GPR158: variants seen among roughly 807,000 people sequenced by gnomAD.
GPR158 encodes G protein-coupled receptor 158.
GPR158 carries 30 observed loss-of-function variants against 78.2 expected under a neutral mutation model. The observed-to-expected ratio is 0.38, with a 90% confidence interval of 0.29 to 0.52. GPR158 has a LOEUF of 0.52. Ranked by LOEUF, GPR158 falls within the 20% of genes least tolerant of loss-of-function variation. The pLI is 0.83. For missense variants in GPR158, 1,463 were observed against 1,523.5 expected (o/e 0.96, Z 0.66); for synonymous variants, 581 against 591.1 (o/e 0.98, Z 0.25).
At position 25,188,617 on chromosome 10, in the gene GPR158, T is replaced by G. The variant is rs200932460; in HGVS notation, c.902+12295T>G. 7.9e-5 allele frequency among the ~76,000 whole-genome samples: 12 copies of G among 152,262 alleles called. No homozygotes were observed. In the East Asian group the frequency reaches 2.1e-3, roughly 27 times the overall value. On this transcript the variant is annotated intron_variant, in intron 1 of 10. Coordinates refer to ENST00000376351, the MANE Select transcript of GPR158 (RefSeq NM_020752.3). ...GAAACTGGATCCCTTCCTTACACCTTATACAAAAATTAATTCAAGATGGAT... is the reference window on the plus strand; with the variant it reads ...GAAACTGGATCCCTTCCTTACACCTGATACAAAAATTAATTCAAGATGGAT...
chr10:25,594,220 T>C, intron 8 of GPR158, 72 bp from the exon 9 acceptor site: 1 of 800,436 alleles, frequency 1.2e-6, no homozygotes, highest in Non-Finnish European at 2.2e-6. Flanking sequence ...GAAAAAAGAG[T>C]TCCCAAGTAA....
intron 1 of GPR158, among the ~76,000 whole-genome samples, chr10:25,204,338 C>T (rs1852984203): frequency 6.6e-6 from 1 of 152,164 alleles, no homozygotes; most frequent in South Asian, 2.1e-4. Context: ...TGCCAGTTTT[C>T]AAAGGGAAAG....
At chr10:25,263,264 C>T (rs558876159) in intron 2 of GPR158, among the ~76,000 whole-genome samples, 49 of 152,232 alleles carry the variant, frequency 3.2e-4, no homozygotes, top group African/African-American at 1.2e-3. Context: ...TCCAGTTGTT[C>T]CCAGCACCGT....
intron 5 of GPR158, among the ~76,000 whole-genome samples, chr10:25,534,960 G>A (rs896325592): frequency 2.0e-5 from 3 of 152,170 alleles, no homozygotes; most frequent in Admixed American, 1.3e-4. Flanking sequence ...TCCTGAAGAT[G>A]GGTTAGACTC....
At chr10:25,504,479 T>A (rs1835984626) in intron 5 of GPR158, among the ~76,000 whole-genome samples, 1 of 152,202 alleles carries the variant, frequency 6.6e-6, no homozygotes, top group Admixed American at 6.5e-5. Flanking sequence ...AGCCTTTGGC[T>A]AGCTTCCAAC....
At chr10:25,278,960 T>G (rs937365705) in intron 2 of GPR158, among the ~76,000 whole-genome samples, 1 of 151,914 alleles carries the variant, frequency 6.6e-6, no homozygotes, top group Non-Finnish European at 1.5e-5. Context: ...TCAAAAGATG[T>G]GCAAAGAAAA....
intron 2 of GPR158, among the ~76,000 whole-genome samples, chr10:25,317,199 C>T (rs1338389807): frequency 6.6e-6 from 1 of 151,790 alleles, no homozygotes; most frequent in Non-Finnish European, 1.5e-5. Context: ...CAGGCATCAC[C>T]ACACCAGGCT....
In GPR158 at chr10:25,407,834, C is replaced by T. The variant is rs768851200; in HGVS notation, c.1112-4416C>T. Among the ~76,000 whole-genome samples, 40 of 152,150 alleles carry T rather than the reference C, an allele frequency of 2.6e-4. 1 individual carries two copies. The highest frequency in any genetic ancestry group is 2.4e-3 in the Admixed American group (36 of 15,266). The stretch of plus-strand genomic sequence containing the variant: ...TTCTCACCACTATCCCTGCTCTTTC[C>T]CTTGTCCTCTATAGTATGTTCTCTA... On this transcript the variant is annotated intron_variant, in intron 3 of 10. Transcript: ENST00000376351.
chr10:25,421,957 C>G (rs1403120592), intron 4 of GPR158, among the ~76,000 whole-genome samples: 1 of 152,118 alleles, frequency 6.6e-6, no homozygotes, highest in Non-Finnish European at 1.5e-5. Context: ...TGTATAATTG[C>G]TCACTATTGG....
At chr10:25,495,301 T>G (rs1397849307) in intron 5 of GPR158, among the ~76,000 whole-genome samples, 1 of 137,450 alleles carries the variant, frequency 7.3e-6, no homozygotes, top group Non-Finnish European at 1.6e-5. Flanking sequence ...TCTGCTTTTT[T>G]TTTTTTTTTT....
intron 2 of GPR158, among the ~76,000 whole-genome samples, chr10:25,392,711 A>T (rs1834317121): frequency 6.6e-6 from 1 of 152,154 alleles, no homozygotes; most frequent in Non-Finnish European, 1.5e-5. Context: ...TAATCTTAAA[A>T]ATGTATAATT....
At chr10:25,262,428 A>T (rs1204145876) in intron 2 of GPR158, among the ~76,000 whole-genome samples, 1 of 152,220 alleles carries the variant, frequency 6.6e-6, no homozygotes, top group East Asian at 1.9e-4. Context: ...CTAGGAAAGA[A>T]TGAATATGGA....
chr10:25,187,737 C>T (rs1316201700), intron 1 of GPR158, among the ~76,000 whole-genome samples: 1 of 152,170 alleles, frequency 6.6e-6, no homozygotes, highest in Non-Finnish European at 1.5e-5. Flanking sequence ...CAGGGATGCC[C>T]TCTCTCACCA....
chr10:25,220,161 T>G (rs1199397499), intron 1 of GPR158, among the ~76,000 whole-genome samples: 1 of 152,204 alleles, frequency 6.6e-6, no homozygotes, highest in Non-Finnish European at 1.5e-5. Flanking sequence ...TATGAAAAAC[T>G]ACATTATAAA....
At chr10:25,573,042 A>G (rs1837033434) in intron 7 of GPR158, among the ~76,000 whole-genome samples, 155 bp downstream of exon 7, 1 of 152,254 alleles carries the variant, frequency 6.6e-6, no homozygotes, top group South Asian at 2.1e-4. Flanking sequence ...CAGTAATGGC[A>G]TGTGAGATGC....
intron 5 of GPR158, among the ~76,000 whole-genome samples, chr10:25,536,541 TAAAAG>T (rs1250670221): frequency 2.0e-5 from 3 of 152,214 alleles, no homozygotes; most frequent in Admixed American, 6.5e-5. Flanking sequence ...TTGTCCTTTA[TAAAAG>T]AAAATTCCTG....
chr10:25,540,141 C>T (rs2130701993), intron 5 of GPR158, among the ~76,000 whole-genome samples: 1 of 152,264 alleles, frequency 6.6e-6, no homozygotes, highest in South Asian at 2.1e-4. Context: ...AGGATATGAA[C>T]AGACACTTCT....
chr10:25,420,893 A>C (rs1239238621), intron 4 of GPR158, among the ~76,000 whole-genome samples: 1 of 152,176 alleles, frequency 6.6e-6, no homozygotes, highest in African/African-American at 2.4e-5. Context: ...TGAAATCAGA[A>C]AGAGTGAGGC....
At chr10:25,539,911 T>C (rs2152214) in intron 5 of GPR158, among the ~76,000 whole-genome samples, 44,927 of 152,082 alleles carry the variant, frequency 0.3, 8,073 homozygotes, top group Non-Finnish European at 0.41. Flanking sequence ...GTCCCACGTA[T>C]GGAAGCACAT....
Sources: gnomAD v4.1 joint callset for allele counts (sites outside exome capture counted in the v4.1 genomes callset) on GRCh38, gnomAD v4.1.1 for gene constraint, MANE v1.5 for transcripts, NCBI Gene and HGNC (gene_info 2026-07-23, HGNC 2026-07-21) for gene names.